Variants in ANO10 observed in about 807,000 individuals in gnomAD.
ANO10 encodes the protein anoctamin-10.
Under a neutral mutation model 74.7 loss-of-function variants are expected in ANO10, and 77 were observed. The observed-to-expected ratio is 1.03, with a 90% CI of 0.86 to 1.25. The LOEUF (loss-of-function observed/expected upper bound fraction) is 1.25. ANO10 is among the 50% of genes most tolerant of loss of function. ANO10 has a pLI of 0.00. For synonymous variants in ANO10, 279 were observed against 284.9 expected (o/e 0.98, Z 0.21); for missense variants, 721 against 778.1 (o/e 0.93, Z 0.87).
chr3:43,410,838 G>C (rs2148891432), intron 12 of ANO10, among the ~76,000 whole-genome samples: 1 of 152,138 alleles, frequency 6.6e-6, no homozygotes, highest in East Asian at 1.9e-4. Context: ...TGAATACAGT[G>C]CAGTATTTAT....
At chr3:43,690,923 A>T (rs2084357813) in intron 1 of ANO10, 22 of 1,499,820 alleles carry the variant, frequency 1.5e-5, no homozygotes, top group Non-Finnish European at 1.8e-5. Context: ...GTGCCGCGCC[A>T]GCCCGGGGCG....
intron 12 of ANO10, among the ~76,000 whole-genome samples, chr3:43,423,876 C>G (rs2092857852): frequency 6.6e-6 from 1 of 152,170 alleles, no homozygotes; most frequent in Non-Finnish European, 1.5e-5. Context: ...GTTACTACCT[C>G]ATTGTTATTA....
intron 7 of ANO10, among the ~76,000 whole-genome samples, chr3:43,568,744 A>G (rs2080518529): frequency 6.9e-6 from 1 of 145,054 alleles, no homozygotes; most frequent in East Asian, 2.0e-4. Context: ...GAAAGATCCA[A>G]AATTGACACC....
chr3:43,417,590 G>A (rs2092760581), intron 12 of ANO10, among the ~76,000 whole-genome samples: 1 of 151,648 alleles, frequency 6.6e-6, no homozygotes, highest in Non-Finnish European at 1.5e-5. Flanking sequence ...AACTCCTCGC[G>A]TGTGTTCGTG....
In ANO10 at chr3:43,545,360, GTTTT is replaced by G. The variant is rs773722635; in HGVS notation, c.1797+4356_1797+4359del. ...AAACATGTTAATTGACCCAATGATG[GTTTT>G]TTTTTGTTTGTTTGTTTGTTTTTTT... is the stretch of plus-strand genomic sequence containing the variant. On this transcript the variant is annotated intron_variant, in intron 11 of 12. Coordinates refer to ENST00000292246, the MANE Select transcript of ANO10 (RefSeq NM_018075.5). Among the ~76,000 whole-genome samples the G allele has an allele frequency of 6.6e-5, 10 of 150,914 alleles. No individual in the cohort carries two copies. The South Asian group carries it at 1.9e-3, about 29-fold the overall frequency.
chr3:43,621,572 A>G (rs1442024485), intron 1 of ANO10, among the ~76,000 whole-genome samples: 3 of 151,920 alleles, frequency 2.0e-5, no homozygotes, highest in Non-Finnish European at 4.4e-5. Flanking sequence ...AACATCCTCC[A>G]TCCTGACTTC....
chr3:43,458,969 G>C (rs547364545), intron 11 of ANO10, among the ~76,000 whole-genome samples: 4 of 152,172 alleles, frequency 2.6e-5, no homozygotes, highest in East Asian at 3.9e-4. Context: ...TTTCTTATAC[G>C]CCACGAGCTT....
intron 3 of ANO10, among the ~76,000 whole-genome samples, chr3:43,599,597 C>A (rs563813316): frequency 6.6e-6 from 1 of 151,944 alleles, no homozygotes; most frequent in Non-Finnish European, 1.5e-5. Flanking sequence ...TGATTGTTTT[C>A]TTGTAGAGTT....
intron 11 of ANO10, among the ~76,000 whole-genome samples, chr3:43,439,907 T>C (rs1411682263): frequency 1.3e-5 from 2 of 152,036 alleles, no homozygotes; most frequent in East Asian, 1.9e-4. Context: ...ATTTGTGACA[T>C]TGATAATAAA....
At chr3:43,627,832 T>C (rs978287076) in intron 1 of ANO10, among the ~76,000 whole-genome samples, 7 of 152,154 alleles carry the variant, frequency 4.6e-5, no homozygotes, top group Non-Finnish European at 1.5e-5. Context: ...TTAATTTTGG[T>C]ATATTAATAT....
chr3:43,623,366 T>C (rs2083459717), upstream of ANO10, among the ~76,000 whole-genome samples: 1 of 152,204 alleles, frequency 6.6e-6, no homozygotes, highest in Admixed American at 6.5e-5. Context: ...TTTATCATAG[T>C]ATGTATGTAT....
chr3:43,586,793 A>C (rs1006932356), intron 4 of ANO10, among the ~76,000 whole-genome samples: 1 of 152,174 alleles, frequency 6.6e-6, no homozygotes, highest in Non-Finnish European at 1.5e-5. Context: ...GCTGAAGGAG[A>C]GAGCTCAGAG....
intron 4 of ANO10, among the ~76,000 whole-genome samples, chr3:43,589,185 C>T (rs1196538361): frequency 6.7e-6 from 1 of 148,518 alleles, no homozygotes; most frequent in Middle Eastern, 3.4e-3. Flanking sequence ...CTATTAACAT[C>T]GGTTGCCATA....
At chr3:43,404,064 A>T (rs367670009) in intron 12 of ANO10, among the ~76,000 whole-genome samples, 5 of 152,318 alleles carry the variant, frequency 3.3e-5, no homozygotes, top group African/African-American at 1.2e-4. Flanking sequence ...TTCAGATGTA[A>T]TTAAGGTCCC....
At position 43,366,197 on chromosome 3, in the gene ANO10, C is replaced by T. The variant is rs980283763; in HGVS notation, c.*709G>A. The T allele has an allele frequency of 1.3e-5, 2 of 154,152 alleles. No homozygotes were observed. The highest frequency in any genetic ancestry group is 2.4e-5 in the African/African-American group (1 of 41,476). 9.5% of individuals were successfully genotyped at this position (154,152 alleles called of 1,614,324 possible). A position where few individuals can be genotyped will look rare whatever the true frequency, so the allele number is the denominator to read the frequency against. On this transcript the variant is annotated 3_prime_UTR_variant, in exon 13 of 13. Coordinates refer to ENST00000292246, the MANE Select transcript of ANO10 (RefSeq NM_018075.5). ...GCAGCAGTTCTCAAAAATGGCCCAG[C>T]CTTCAGCTACAAGCTTTGGTGCCTG...
intron 1 of ANO10, among the ~76,000 whole-genome samples, chr3:43,630,500 G>A (rs2083535309): frequency 6.6e-6 from 1 of 152,038 alleles, no homozygotes; most frequent in Non-Finnish European, 1.5e-5. Flanking sequence ...AAGAGAGAAG[G>A]GGAGTTTAGA....
At chr3:43,445,713 T>C (rs2093234585) in intron 11 of ANO10, among the ~76,000 whole-genome samples, 1 of 152,120 alleles carries the variant, frequency 6.6e-6, no homozygotes. Flanking sequence ...TTTGTATTTT[T>C]TGTTTTTGAG....
intron 10 of ANO10, among the ~76,000 whole-genome samples, chr3:43,553,384 T>C (rs2079575763): frequency 6.6e-6 from 1 of 152,164 alleles, no homozygotes; most frequent in Admixed American, 6.6e-5. Context: ...CGTTATTTAT[T>C]CAAGTACTTT....
Position 43,445,633 on chromosome 3 carries a change from C to T in ANO10, c.1798-12906G>A, listed in dbSNP as rs533494977. 2.0e-5 allele frequency among the ~76,000 whole-genome samples: 3 copies of T among 152,248 alleles called. No homozygotes were observed. In the South Asian group the frequency reaches 6.2e-4, roughly 32 times the overall value. On this transcript the variant is annotated intron_variant, in intron 11 of 12. Coordinates refer to ENST00000292246, the MANE Select transcript of ANO10 (RefSeq NM_018075.5). ...AATATCCTGAAAATGACCTACATCT[C>T]CCAAATCTATGACCATGTTTCCTTA...
Sources: allele counts gnomAD v4.1 joint callset (sites outside exome capture counted in the v4.1 genomes callset), GRCh38; gene constraint gnomAD v4.1.1; transcripts MANE v1.5; gene names NCBI Gene and HGNC (gene_info 2026-07-23, HGNC 2026-07-21).